IQCH: variants seen among roughly 807,000 people sequenced by gnomAD.
IQCH encodes the protein IQ domain-containing protein H.
Under a neutral mutation model 117.0 loss-of-function variants are expected in IQCH, and 98 were observed. The ratio of observed to expected loss-of-function variants is 0.84; its 90% CI spans 0.71 to 0.99. The LOEUF (loss-of-function observed/expected upper bound fraction) is 0.99. IQCH is among the 50% of genes least tolerant of loss of function. The pLI, the probability that IQCH is intolerant of heterozygous loss-of-function variation, is 0.00. For synonymous variants in IQCH, 412 were observed against 448.2 expected, an observed-to-expected ratio of 0.92 and a Z score of 1.02; for missense variants, 1,102 against 1,243.8, an observed-to-expected ratio of 0.89 and a Z score of 1.72.
In IQCH at chr15:67,337,113, C is replaced by T. The variant is rs1444028312; in HGVS notation, c.508+18C>T. 5 of 1,612,168 alleles carry T rather than the reference C, an allele frequency of 3.1e-6. No homozygotes were observed. In the Admixed American group the frequency reaches 8.4e-5, roughly 27 times the overall value. On this transcript the variant is annotated intron_variant, in intron 5 of 20. Coordinates refer to ENST00000335894, the MANE Select transcript of IQCH (RefSeq NM_001031715.3). ...CCACAAAGGTTAGTGATTCAATAGCCATTTTACGTGTTTAGGAACGGAAAA... is the reference window on the plus strand; with the variant it reads ...CCACAAAGGTTAGTGATTCAATAGCTATTTTACGTGTTTAGGAACGGAAAA...
At chr15:67,444,362 G>A (rs997470766) in intron 16 of IQCH, among the ~76,000 whole-genome samples, 4 of 152,164 alleles carry the variant, frequency 2.6e-5, no homozygotes, top group Non-Finnish European at 5.9e-5. Flanking sequence ...TTGCCATTAA[G>A]CCAGAAGGTG....
chr15:67,386,022 AAT>A lies in IQCH; in HGVS notation c.1456+1005_1456+1006del, dbSNP rs1971098024. Among the ~76,000 whole-genome samples, 1 of 152,152 alleles carries A rather than the reference AAT, an allele frequency of 6.6e-6. No individual in the cohort carries two copies. The highest frequency in any genetic ancestry group is 1.5e-5 in the Non-Finnish European group (1 of 68,034). Reference sequence around the variant, plus strand: ...GTACTAGAAATTTACAGTGTCCTAAAATAATAATCATAATTGCTTTAATCTAT... The same window carrying A: ...GTACTAGAAATTTACAGTGTCCTAAAAATAATCATAATTGCTTTAATCTAT... On this transcript the variant is annotated intron_variant, in intron 11 of 20. Coordinates refer to ENST00000335894, the MANE Select transcript of IQCH (RefSeq NM_001031715.3). This position sits in a 1 kb window ranked among gnomAD's most constrained non-coding sequence, Gnocchi z 5.0.
chr15:67,338,235 C>CTATCTATCTATCTATT (rs56991765), intron 5 of IQCH, among the ~76,000 whole-genome samples: 32,350 of 149,524 alleles, frequency 0.22, 3,834 homozygotes, highest in Middle Eastern at 0.3. Flanking sequence ...ATCTATCTAT[C>CTATCTATCTATCTATT]TATCTATCTA....
chr15:67,257,430 A>G (rs1965269420), intron 1 of IQCH, among the ~76,000 whole-genome samples: 1 of 152,222 alleles, frequency 6.6e-6, no homozygotes, highest in African/African-American at 2.4e-5. Flanking sequence ...TCAGTCAGAT[A>G]TATTAAACAG....
chr15:67,421,213 CA>C, intron 15 of IQCH, 77 bp from the exon 16 acceptor site: 3 of 1,236,244 alleles, frequency 2.4e-6, no homozygotes, highest in Non-Finnish European at 3.4e-6. Context: ...TCTTTCAAGA[CA>C]TGGCAGATGC....
rs556389354 is a variant in IQCH at position 67,443,868 on chromosome 15, C to A, written c.2506-21259C>A. 6.6e-6 allele frequency among the ~76,000 whole-genome samples: 1 copy of A among 152,286 alleles called. No homozygotes were observed. Among genetic ancestry groups the A allele is most frequent in the South Asian group, 2.1e-4 (1 of 4,830 alleles). On this transcript the variant is annotated intron_variant, in intron 16 of 20. Transcript: ENST00000335894. This position sits in a 1 kb window ranked among gnomAD's most constrained non-coding sequence, Gnocchi z 5.0. ...TGTTATGTATTTTACATGTAGTAAC[C>A]CTAATCTTCACATCCTGAGAAGTAT...
intron 18 of IQCH, among the ~76,000 whole-genome samples, chr15:67,485,119 A>G (rs961715812): frequency 3.9e-5 from 6 of 152,154 alleles, no homozygotes; most frequent in Admixed American, 3.9e-4. Flanking sequence ...CAAGCATTCT[A>G]TTTCCAGCAG....
intron 20 of IQCH, among the ~76,000 whole-genome samples, chr15:67,498,236 C>T (rs1203889425): frequency 6.6e-6 from 1 of 152,124 alleles, no homozygotes; most frequent in Admixed American, 6.5e-5. Context: ...GGTGCTGAAA[C>T]AATTCAATGG....
chr15:67,328,654 G>A (rs77122098), intron 4 of IQCH, among the ~76,000 whole-genome samples: 97 of 152,206 alleles, frequency 6.4e-4, no homozygotes, highest in African/African-American at 2.3e-3. Flanking sequence ...TGCTAGGTGA[G>A]GCTCAGGTCT....
chr15:67,332,073 A>G (rs1968690797), intron 4 of IQCH, among the ~76,000 whole-genome samples: 1 of 152,196 alleles, frequency 6.6e-6, no homozygotes, highest in Admixed American at 6.5e-5. Flanking sequence ...GCCAACATTT[A>G]AGGATATTTG....
rs1017158408 is a variant in IQCH at position 67,369,102 on chromosome 15, A to G, written c.754-3009A>G. 2.6e-5 allele frequency among the ~76,000 whole-genome samples: 4 copies of G among 152,102 alleles called. No individual in the cohort carries two copies. The East Asian group carries it at 7.7e-4, about 29-fold the overall frequency. On this transcript the variant is annotated intron_variant, in intron 8 of 20. Transcript: ENST00000335894. The surrounding 1 kb of genome is among the most constrained non-coding windows in gnomAD (Gnocchi z 5.2). ...ACTGGGTCTATCTTTTTTGCTTAACATCTGTGACTTACTAACATATGTAAT... is the reference window on the plus strand; with the variant it reads ...ACTGGGTCTATCTTTTTTGCTTAACGTCTGTGACTTACTAACATATGTAAT...
intron 16 of IQCH, among the ~76,000 whole-genome samples, chr15:67,444,204 T>G (rs945957925): frequency 6.6e-6 from 1 of 152,230 alleles, no homozygotes; most frequent in Non-Finnish European, 1.5e-5. Context: ...TTTTAATATA[T>G]TCCATCCTTG....
chr15:67,501,479 T>C lies in IQCH; in HGVS notation c.*733T>C, dbSNP rs1197853729. 1 of 152,216 alleles carries C rather than the reference T, an allele frequency of 6.6e-6. No individual in the cohort carries two copies. Among genetic ancestry groups the C allele is most frequent in the Non-Finnish European group, 1.5e-5 (1 of 68,030 alleles). 9.4% of individuals were successfully genotyped at this position (152,216 alleles called of 1,614,324 possible). On this transcript the variant is annotated 3_prime_UTR_variant, in exon 21 of 21. Transcript: ENST00000335894. The surrounding 1 kb of genome is among the most constrained non-coding windows in gnomAD (Gnocchi z 5.2). ...CTCCATTTAATACAGCAGTAGGATT[T>C]TTTCAAGTTTAGTTCAACATTATAC...
At position 67,369,180 on chromosome 15, in the gene IQCH, A is replaced by G. The variant is rs991812214; in HGVS notation, c.754-2931A>G. Reference sequence around the variant, plus strand: ...TTGGATTTAGAATTTTGCCTAAATAACTGCTCCAGAAACTCTCAAAGTTAT... The same window carrying G: ...TTGGATTTAGAATTTTGCCTAAATAGCTGCTCCAGAAACTCTCAAAGTTAT... On this transcript the variant is annotated intron_variant, in intron 8 of 20. Transcript: ENST00000335894. This position sits in a 1 kb window ranked among gnomAD's most constrained non-coding sequence, Gnocchi z 5.2. 6.6e-6 allele frequency among the ~76,000 whole-genome samples: 1 copy of G among 152,238 alleles called. No homozygotes were observed. Among genetic ancestry groups the G allele is most frequent in the Non-Finnish European group, 1.5e-5 (1 of 68,052 alleles).
In IQCH at chr15:67,261,263, T is replaced by C. The variant is rs972556141; in HGVS notation, c.52-9T>C. ...TTATTTCAATATTTTTCATTTTTTA[T>C]ACCTATAGATCCATGAAGACCTTTA... On this transcript the variant is annotated splice_polypyrimidine_tract_variant and intron_variant, in intron 1 of 20. Coordinates refer to ENST00000335894, the MANE Select transcript of IQCH (RefSeq NM_001031715.3). The C allele has an allele frequency of 6.7e-7, 1 of 1,500,978 alleles. No homozygotes were observed. The highest frequency in any genetic ancestry group is 9.0e-7 in the Non-Finnish European group (1 of 1,114,774). The allele number at this position is 1,500,978 out of a possible 1,614,324, so 93.0% of individuals were successfully genotyped here.
intron 16 of IQCH, among the ~76,000 whole-genome samples, chr15:67,429,257 T>C (rs1207857450): frequency 6.6e-6 from 1 of 152,224 alleles, no homozygotes; most frequent in Non-Finnish European, 1.5e-5. Flanking sequence ...CTCATGTGTA[T>C]AAACCCAGCA....
At chr15:67,355,063 CATACTT>C (rs1336441321) in intron 6 of IQCH, among the ~76,000 whole-genome samples, 1 of 152,160 alleles carries the variant, frequency 6.6e-6, no homozygotes, top group South Asian at 2.1e-4. Context: ...GGATTATAGA[CATACTT>C]ATACTAAATA....
intron 18 of IQCH, among the ~76,000 whole-genome samples, chr15:67,482,644 T>A (rs930905977): frequency 1.3e-5 from 2 of 152,232 alleles, no homozygotes; most frequent in Non-Finnish European, 2.9e-5. Context: ...AAAAAAGTTA[T>A]TTATTATGGT....
In IQCH at chr15:67,373,421, A is replaced by G. The variant is rs1391677710; in HGVS notation, c.1360A>G (p.Ile454Val). 1 of 1,608,654 alleles carries G rather than the reference A, an allele frequency of 6.2e-7. No individual in the cohort carries two copies. The highest frequency in any genetic ancestry group is 8.5e-7 in the Non-Finnish European group (1 of 1,175,308). The change falls in exon 10 of 21, where the codon ATC becomes GTC. Residue 454 changes from isoleucine (I) to valine (V), a missense_variant. Around this residue, in one of 2 missense-constraint regions of IQCH, gnomAD observed 650 missense variants for 794.3 expected, o/e 0.82. Coordinates refer to ENST00000335894, the MANE Select transcript of IQCH (RefSeq NM_001031715.3). ...GACCTCCAGGAGGACTATTATCCAT[A>G]TCCCATCATTAGGTATAACACTTTT... ...IRTSRRTIIH[I>V]PSLGYSQPVR...
Sources: gnomAD v4.1 joint callset for allele counts (sites outside exome capture counted in the v4.1 genomes callset) on GRCh38, gnomAD v4.1.1 for gene constraint, gnomAD v4.1.1 regional missense constraint, Gnocchi (gnomAD v3.1) non-coding constraint, MANE v1.5 for transcripts, NCBI Gene and HGNC (gene_info 2026-07-23, HGNC 2026-07-21) for gene names.